The following MDGA2 variants were observed in gnomAD, a reference collection of about 807,000 sequenced individuals.
The protein encoded by MDGA2 is MAM domain-containing glycosylphosphatidylinositol anchor protein 2.
Under a neutral mutation model 117.8 loss-of-function variants are expected in MDGA2, and 40 were observed. The observed-to-expected ratio is 0.34, with a 90% CI of 0.26 to 0.44. MDGA2 has a LOEUF of 0.44. Ranked by LOEUF, MDGA2 falls within the 20% of genes least tolerant of loss-of-function variation. MDGA2 has a pLI of 1.00. For missense variants in MDGA2, 1,123 were observed against 1,250.6 expected (o/e 0.90, Z 1.54); for synonymous variants, 452 against 439.0 (o/e 1.03, Z -0.37).
At chr14:47,294,034 C>T (rs542462280) in intron 2 of MDGA2, among the ~76,000 whole-genome samples, 1 of 151,484 alleles carries the variant, frequency 6.6e-6, no homozygotes, top group Admixed American at 6.6e-5. Flanking sequence ...AGATGTACAT[C>T]ACCTGGAGAT....
chr14:47,661,911 A>AT (rs773932637), intron 1 of MDGA2, among the ~76,000 whole-genome samples: 6 of 151,660 alleles, frequency 4.0e-5, no homozygotes, highest in Middle Eastern at 3.2e-3. Flanking sequence ...AATTTTTTGT[A>AT]TTTTTAGTAG....
At chr14:46,889,320 C>G (rs530523648) in intron 10 of MDGA2, among the ~76,000 whole-genome samples, 1 of 152,142 alleles carries the variant, frequency 6.6e-6, no homozygotes, top group East Asian at 1.9e-4. Flanking sequence ...GCTTATCATA[C>G]TTTGCTCGTG....
intron 1 of MDGA2, among the ~76,000 whole-genome samples, chr14:47,409,390 A>C (rs1218773316): frequency 1.3e-5 from 2 of 152,232 alleles, no homozygotes; most frequent in Non-Finnish European, 2.9e-5. Flanking sequence ...CTAGGTAGCC[A>C]CCATAGCATT....
At chr14:46,887,655 C>A (rs1882724719) in intron 10 of MDGA2, among the ~76,000 whole-genome samples, 1 of 151,804 alleles carries the variant, frequency 6.6e-6, no homozygotes, top group East Asian at 1.9e-4. Flanking sequence ...ACTTATCTTT[C>A]AGATAAGCAT....
intron 1 of MDGA2, among the ~76,000 whole-genome samples, chr14:47,453,494 T>G (rs1286190664): frequency 6.6e-6 from 1 of 152,106 alleles, no homozygotes. Context: ...CATAATCATC[T>G]CCCTCACATA....
chr14:47,291,172 T>C (rs539850422), intron 2 of MDGA2, among the ~76,000 whole-genome samples: 9 of 152,300 alleles, frequency 5.9e-5, no homozygotes, highest in African/African-American at 2.2e-4. Flanking sequence ...CTGAACACTT[T>C]CTTGCTCTTA....
intron 8 of MDGA2, among the ~76,000 whole-genome samples, chr14:46,966,057 T>G (rs1886018289): frequency 6.6e-6 from 1 of 151,044 alleles, no homozygotes; most frequent in African/African-American, 2.5e-5. Context: ...TTTATGAAAC[T>G]ACCACACTAC....
intron 3 of MDGA2, among the ~76,000 whole-genome samples, chr14:47,168,403 A>G (rs12435081): frequency 0.06 from 9,092 of 151,810 alleles, 421 homozygotes; most frequent in Admixed American, 0.16. Flanking sequence ...CCATAATTTC[A>G]TTACCATAAT....
chr14:47,293,537 T>C (rs1292918218), intron 2 of MDGA2, among the ~76,000 whole-genome samples: 3 of 152,216 alleles, frequency 2.0e-5, no homozygotes, highest in Admixed American at 1.3e-4. Context: ...TGTAAGTATA[T>C]AGTGATAAGA....
At position 47,573,950 on chromosome 14, in the gene MDGA2, T is replaced by G. The variant is rs78194156; in HGVS notation, c.280+100567A>C. Among the ~76,000 whole-genome samples, 790 of 152,326 alleles carry G rather than the reference T, an allele frequency of 5.2e-3. 8 individuals carry two copies. The highest frequency in any genetic ancestry group is 0.018 in the African/African-American group (735 of 41,576). The stretch of plus-strand genomic sequence containing the variant: ...AAAAAATACTTTCAATTCTATGGAC[T>G]GCATCAAAAGTGCTTTGAATCAAAA... On this transcript the variant is annotated intron_variant, in intron 1 of 16. Coordinates refer to ENST00000399232, the MANE Select transcript of MDGA2 (RefSeq NM_001113498.3).
At chr14:47,150,096 G>A (rs950128629) in intron 3 of MDGA2, among the ~76,000 whole-genome samples, 2 of 152,180 alleles carry the variant, frequency 1.3e-5, no homozygotes, top group African/African-American at 4.8e-5. Context: ...AGAGGTTTCT[G>A]TATCATCTTC....
In MDGA2 at chr14:47,615,889, C is replaced by T. The variant is rs1327837441; in HGVS notation, c.280+58628G>A. 2.6e-5 allele frequency among the ~76,000 whole-genome samples: 4 copies of T among 152,154 alleles called. No homozygotes were observed. In the South Asian group the frequency reaches 8.3e-4, roughly 32 times the overall value. On this transcript the variant is annotated intron_variant, in intron 1 of 16. Transcript: ENST00000399232. Reference sequence around the variant, plus strand: ...ACTGACCATGTCCATTCAGCACTGACACACTGGAACAATCTGAGCCTGAGC... The same window carrying T: ...ACTGACCATGTCCATTCAGCACTGATACACTGGAACAATCTGAGCCTGAGC...
chr14:47,563,048 CA>C (rs1430467748), intron 1 of MDGA2, among the ~76,000 whole-genome samples: 2 of 151,964 alleles, frequency 1.3e-5, no homozygotes, highest in Non-Finnish European at 2.9e-5. Flanking sequence ...GGTTTTGAGT[CA>C]TTTTTTTAGT....
At chr14:47,239,582 AT>A (rs1225937568) in intron 2 of MDGA2, among the ~76,000 whole-genome samples, 1 of 151,860 alleles carries the variant, frequency 6.6e-6, no homozygotes, top group African/African-American at 2.4e-5. Context: ...ACTTCTTAAT[AT>A]TTCAAGGGAA....
chr14:47,114,129 C>T (rs914455468), intron 5 of MDGA2, among the ~76,000 whole-genome samples: 1 of 151,966 alleles, frequency 6.6e-6, no homozygotes, highest in Admixed American at 6.6e-5. Context: ...AAGCAGAGAG[C>T]CAAATGATGA....
intron 1 of MDGA2, among the ~76,000 whole-genome samples, chr14:47,609,747 T>C (rs1896814844): frequency 6.6e-6 from 1 of 151,556 alleles, no homozygotes; most frequent in Admixed American, 6.6e-5. Flanking sequence ...CACATCAACA[T>C]CTAGGATCAG....
chr14:47,624,386 A>T (rs987012991), intron 1 of MDGA2, among the ~76,000 whole-genome samples: 1 of 152,144 alleles, frequency 6.6e-6, no homozygotes, highest in Non-Finnish European at 1.5e-5. Flanking sequence ...TGAACCTAGG[A>T]GGTGGAGGTT....
intron 1 of MDGA2, among the ~76,000 whole-genome samples, chr14:47,349,838 G>A (rs1890840736): frequency 6.6e-6 from 1 of 152,198 alleles, no homozygotes; most frequent in African/African-American, 2.4e-5. Flanking sequence ...ACCCCCAGAA[G>A]GTTGATCCTT....
Position 46,894,578 on chromosome 14 carries a change from A to G in MDGA2, c.2239-12357T>C, listed in dbSNP as rs559248286. ...GACCTGACAGTTAAAGTGAATTCTG[A>G]TTCTGCTTTCCATTTTATTTAGAGA... is the stretch of plus-strand genomic sequence containing the variant. On this transcript the variant is annotated intron_variant, in intron 10 of 16. Coordinates refer to ENST00000399232, the MANE Select transcript of MDGA2 (RefSeq NM_001113498.3). 3.9e-5 allele frequency among the ~76,000 whole-genome samples: 6 copies of G among 152,116 alleles called. No individual in the cohort carries two copies. The East Asian group carries it at 1.2e-3, about 29-fold the overall frequency.
Sources: gnomAD v4.1 joint callset for allele counts (sites outside exome capture counted in the v4.1 genomes callset) on GRCh38, gnomAD v4.1.1 for gene constraint, MANE v1.5 for transcripts, NCBI Gene and HGNC (gene_info 2026-07-23, HGNC 2026-07-21) for gene names.